MLLT3: variants seen among roughly 807,000 people sequenced by gnomAD.
MLLT3 encodes MLLT3 super elongation complex subunit, also known as protein AF-9.
In MLLT3, 4 loss-of-function variants were observed where a neutral mutation model predicts 53.2. The observed-to-expected ratio is 0.08, with a 90% CI of 0.04 to 0.17. MLLT3 has a LOEUF of 0.17. Ranked by LOEUF, MLLT3 falls within the 10% of genes least tolerant of loss-of-function variation. The pLI, the probability that MLLT3 is intolerant of heterozygous loss-of-function variation, is 1.00. For synonymous variants in MLLT3, 283 were observed against 230.6 expected, an observed-to-expected ratio of 1.23 and a Z score of -2.06; for missense variants, 569 against 684.0, an observed-to-expected ratio of 0.83 and a Z score of 1.87.
chr9:20,398,795 G>T (rs1822382931), intron 5 of MLLT3, among the ~76,000 whole-genome samples: 1 of 152,068 alleles, frequency 6.6e-6, no homozygotes, highest in South Asian at 2.1e-4. Context: ...CGGAATTTTA[G>T]ACTCTGACAT....
chr9:20,535,238 C>T (rs1357274463), intron 2 of MLLT3, among the ~76,000 whole-genome samples: 1 of 152,180 alleles, frequency 6.6e-6, no homozygotes, highest in African/African-American at 2.4e-5. Context: ...CTTGGTTGTG[C>T]ACTCCTTATA....
At chr9:20,453,168 T>C (rs1433254598) in intron 3 of MLLT3, among the ~76,000 whole-genome samples, 1 of 152,164 alleles carries the variant, frequency 6.6e-6, no homozygotes, top group Non-Finnish European at 1.5e-5. Context: ...AATTAAGAAA[T>C]TAGTAACATA....
At chr9:20,504,443 A>G (rs1825333169) in intron 2 of MLLT3, among the ~76,000 whole-genome samples, 1 of 152,076 alleles carries the variant, frequency 6.6e-6, no homozygotes, top group South Asian at 2.1e-4. Flanking sequence ...GTCATTTTCA[A>G]CAACATGAAT....
chr9:20,355,407 A>G (rs1012310100), intron 8 of MLLT3, among the ~76,000 whole-genome samples: 1 of 152,234 alleles, frequency 6.6e-6, no homozygotes, highest in African/African-American at 2.4e-5. Flanking sequence ...ATGGCCGACT[A>G]TCTTCTGTGT....
At chr9:20,577,429 C>G (rs1296413691) in intron 2 of MLLT3, among the ~76,000 whole-genome samples, 1 of 152,098 alleles carries the variant, frequency 6.6e-6, no homozygotes, top group Non-Finnish European at 1.5e-5. Flanking sequence ...GAAATGCCCT[C>G]CAGAGAAGAA....
chr9:20,523,687 G>T (rs1412130859), intron 2 of MLLT3, among the ~76,000 whole-genome samples: 1 of 152,074 alleles, frequency 6.6e-6, no homozygotes, highest in Non-Finnish European at 1.5e-5. Context: ...AAAGATCAAT[G>T]GGCCGGATGG....
chr9:20,406,870 A>C (rs1822591702), intron 5 of MLLT3, among the ~76,000 whole-genome samples: 1 of 152,192 alleles, frequency 6.6e-6, no homozygotes, highest in Non-Finnish European at 1.5e-5. Context: ...CTTTGACTTT[A>C]TCTGGGAATA....
chr9:20,586,500 AG>A, intron 2 of MLLT3, among the ~76,000 whole-genome samples: 1 of 152,142 alleles, frequency 6.6e-6, no homozygotes, highest in African/African-American at 2.4e-5. Context: ...TGGGGGGCTT[AG>A]GGGTGGCAGT....
chr9:20,371,441 T>C (rs535148246), intron 5 of MLLT3, among the ~76,000 whole-genome samples: 10 of 152,370 alleles, frequency 6.6e-5, no homozygotes, highest in South Asian at 4.1e-4. Flanking sequence ...TAGAGGCTAA[T>C]GCAACTGGTG....
At chr9:20,504,144 A>G (rs1176876866) in intron 2 of MLLT3, among the ~76,000 whole-genome samples, 3 of 152,162 alleles carry the variant, frequency 2.0e-5, no homozygotes, top group Non-Finnish European at 2.9e-5. Context: ...GAAAATTTTA[A>G]GGTTCCTCAA....
At chr9:20,608,105 T>A (rs976794964) in intron 2 of MLLT3, among the ~76,000 whole-genome samples, 1 of 152,012 alleles carries the variant, frequency 6.6e-6, no homozygotes, top group Non-Finnish European at 1.5e-5. Context: ...TTATGTTTGG[T>A]ACTTGTTTTG....
rs10964561 is a variant in MLLT3 at position 20,446,288 on chromosome 9, T to A, written c.420+1835A>T. On this transcript the variant is annotated intron_variant, in intron 4 of 10. Transcript: ENST00000380338. ...ACAATCTAATTCTAATAGGAAAATA[T>A]CTGCTGGCTTCAAACAGCACTTAAA... Among the ~76,000 whole-genome samples, 1,151 of 152,310 alleles carry A rather than the reference T, an allele frequency of 7.6e-3. 16 individuals carry two copies. The highest frequency in any genetic ancestry group is 0.011 in the Non-Finnish European group (775 of 68,016).
chr9:20,373,699 C>A (rs1300020220), intron 5 of MLLT3, among the ~76,000 whole-genome samples: 1 of 151,982 alleles, frequency 6.6e-6, no homozygotes, highest in Non-Finnish European at 1.5e-5. Context: ...TAAAATGTAA[C>A]CTCATTAGTT....
intron 2 of MLLT3, among the ~76,000 whole-genome samples, chr9:20,479,083 C>T (rs571405726): frequency 9.2e-5 from 14 of 152,178 alleles, no homozygotes; most frequent in Non-Finnish European, 1.2e-4. Context: ...TTATGTGATT[C>T]CCAACATGAT....
intron 2 of MLLT3, among the ~76,000 whole-genome samples, chr9:20,527,896 T>C (rs142341950): frequency 6.6e-6 from 1 of 152,218 alleles, no homozygotes; most frequent in South Asian, 2.1e-4. Flanking sequence ...ACACATTAAA[T>C]GAGCACATTT....
intron 2 of MLLT3, among the ~76,000 whole-genome samples, chr9:20,472,633 AAT>A (rs879883865): frequency 9.2e-5 from 14 of 152,208 alleles, no homozygotes; most frequent in Non-Finnish European, 1.8e-4. Context: ...TATAAAGAAA[AAT>A]ATATATAAGC....
At chr9:20,486,975 C>G (rs1045764347) in intron 2 of MLLT3, among the ~76,000 whole-genome samples, 1 of 152,082 alleles carries the variant, frequency 6.6e-6, no homozygotes, top group African/African-American at 2.4e-5. Flanking sequence ...ATCACCTTAA[C>G]TTCAGAAATG....
chr9:20,607,861 C>G (rs1820607649), intron 2 of MLLT3, among the ~76,000 whole-genome samples: 1 of 151,898 alleles, frequency 6.6e-6, no homozygotes, highest in South Asian at 2.1e-4. Context: ...TTGCGGAAAT[C>G]ATTTTTAGTT....
chr9:20,409,706 G>T (rs144889896), intron 5 of MLLT3, among the ~76,000 whole-genome samples: 1 of 152,116 alleles, frequency 6.6e-6, no homozygotes, highest in South Asian at 2.1e-4. Context: ...CTATAACACA[G>T]TCCTTCTGCC....
Sources: gnomAD v4.1 joint callset for allele counts (sites outside exome capture counted in the v4.1 genomes callset) on GRCh38, gnomAD v4.1.1 for gene constraint, MANE v1.5 for transcripts, NCBI Gene and HGNC (gene_info 2026-07-23, HGNC 2026-07-21) for gene names.